Variants in RMDN2 observed in about 807,000 individuals in gnomAD.
RMDN2 encodes the protein regulator of microtubule dynamics 2, also known as regulator of microtubule dynamics protein 2.
In RMDN2, 61 loss-of-function variants were observed where a neutral mutation model predicts 52.8. The observed-to-expected ratio is 1.16, with a 90% CI of 0.94 to 1.43. The LOEUF is 1.43. Among genes scored for constraint, RMDN2 ranks in the 40% most tolerant of loss-of-function variants. RMDN2 has a pLI of 0.00. For missense variants in RMDN2, 592 were observed against 475.3 expected, an observed-to-expected ratio of 1.25 and a Z score of -2.28; for synonymous variants, 180 against 153.1, an observed-to-expected ratio of 1.18 and a Z score of -1.30.
intron 2 of RMDN2, among the ~76,000 whole-genome samples, chr2:37,972,276 G>A (rs1242705096): frequency 6.6e-6 from 1 of 151,938 alleles, no homozygotes; most frequent in African/African-American, 2.4e-5. Context: ...CATAACATCT[G>A]CAATAATAAG....
At chr2:37,934,298 A>G (rs548864548) in intron 2 of RMDN2, among the ~76,000 whole-genome samples, 9 of 152,362 alleles carry the variant, frequency 5.9e-5, no homozygotes, top group Middle Eastern at 3.4e-3. Context: ...AACCATTATT[A>G]GAATCTCTTG....
At chr2:37,956,236 AG>A (rs1466011231) in intron 2 of RMDN2, among the ~76,000 whole-genome samples, 1 of 152,184 alleles carries the variant, frequency 6.6e-6, no homozygotes, top group Non-Finnish European at 1.5e-5. Flanking sequence ...TACTAGTTAT[AG>A]ATCTATTCAG....
chr2:37,985,944 C>A (rs1414085655), intron 5 of RMDN2, among the ~76,000 whole-genome samples: 1 of 152,004 alleles, frequency 6.6e-6, no homozygotes, highest in East Asian at 1.9e-4. Flanking sequence ...AATATTGGTA[C>A]AGTTTTGACA....
intron 10 of RMDN2, among the ~76,000 whole-genome samples, chr2:38,062,820 A>G: frequency 8.5e-6 from 1 of 118,214 alleles, no homozygotes; most frequent in Admixed American, 1.2e-4. Context: ...TCCTGTGTGC[A>G]TGTGTTCTCA....
chr2:37,949,517 T>G (rs1400036964), intron 2 of RMDN2, among the ~76,000 whole-genome samples: 2 of 152,162 alleles, frequency 1.3e-5, no homozygotes, highest in Non-Finnish European at 2.9e-5. Context: ...GTCTTCTGTC[T>G]CTAACCCACG....
At position 37,950,535 on chromosome 2, in the gene RMDN2, G is replaced by T. The variant is rs778413972; in HGVS notation, c.452+20806G>T. 1.9e-6 allele frequency: 3 copies of T among 1,612,898 alleles called. No homozygotes were observed. In the Admixed American group the frequency reaches 5.0e-5, roughly 27 times the overall value. ...GGGCATTTTATGGCTTAAGGATGACGGCCTAGAAGGGAAGGGAGAGACTTA... is the reference window on the plus strand; with the variant it reads ...GGGCATTTTATGGCTTAAGGATGACTGCCTAGAAGGGAAGGGAGAGACTTA... On this transcript the variant is annotated intron_variant, in intron 2 of 10. Transcript: ENST00000354545.
intron 10 of RMDN2, among the ~76,000 whole-genome samples, chr2:38,047,146 G>T (rs990561951): frequency 6.6e-6 from 1 of 152,082 alleles, no homozygotes; most frequent in Non-Finnish European, 1.5e-5. Context: ...AAGACAGAGA[G>T]AATTAATTGC....
At chr2:37,998,671 C>A (rs1675904278) in intron 8 of RMDN2, among the ~76,000 whole-genome samples, 1 of 152,122 alleles carries the variant, frequency 6.6e-6, no homozygotes, top group African/African-American at 2.4e-5. Flanking sequence ...TGGCCAGTGG[C>A]TGCCTCAAGT....
At chr2:37,950,893 G>C (rs1455446353) in intron 2 of RMDN2, among the ~76,000 whole-genome samples, 1 of 151,858 alleles carries the variant, frequency 6.6e-6, no homozygotes, top group African/African-American at 2.4e-5. Flanking sequence ...TTTTCCTTTG[G>C]GAATCTTTTT....
intron 2 of RMDN2, among the ~76,000 whole-genome samples, chr2:37,970,605 C>A (rs988898282): frequency 6.6e-6 from 1 of 151,914 alleles, no homozygotes; most frequent in Non-Finnish European, 1.5e-5. Flanking sequence ...TTGAATAAGC[C>A]TAATTATTTG....
At chr2:38,022,558 A>G (rs1248482455), downstream of RMDN2, among the ~76,000 whole-genome samples, 1 of 152,232 alleles carries the variant, frequency 6.6e-6, no homozygotes, top group Non-Finnish European at 1.5e-5. Flanking sequence ...CAAACTTTGA[A>G]TATGCTTGAT....
At position 38,015,280 on chromosome 2, in the gene RMDN2, C is replaced by T. The variant is rs542132854; in HGVS notation, c.1180-1906C>T. 2.0e-5 allele frequency among the ~76,000 whole-genome samples: 3 copies of T among 152,226 alleles called. No individual in the cohort carries two copies. The East Asian group carries it at 5.8e-4, about 29-fold the overall frequency. On this transcript the variant is annotated intron_variant, in intron 10 of 10. Transcript: ENST00000354545. ...ACAGTACAACGATAGGAATTGTTGACCCTCGACTGGGCGTGGTGGCTCACA... is the reference window on the plus strand; with the variant it reads ...ACAGTACAACGATAGGAATTGTTGATCCTCGACTGGGCGTGGTGGCTCACA...
chr2:37,935,260 G>A (rs1667188230), intron 2 of RMDN2, among the ~76,000 whole-genome samples: 1 of 152,208 alleles, frequency 6.6e-6, no homozygotes, highest in Non-Finnish European at 1.5e-5. Context: ...GATGATGAAA[G>A]TAAGACCACA....
At chr2:38,059,037 A>G (rs1004441951) in intron 10 of RMDN2, among the ~76,000 whole-genome samples, 1 of 152,208 alleles carries the variant, frequency 6.6e-6, no homozygotes, top group Non-Finnish European at 1.5e-5. Context: ...GAATAAAAGT[A>G]AAACGTCCAA....
chr2:38,016,263 G>T (rs1678768824), intron 10 of RMDN2, among the ~76,000 whole-genome samples: 1 of 152,220 alleles, frequency 6.6e-6, no homozygotes, highest in African/African-American at 2.4e-5. Context: ...GTCCTCAGTA[G>T]CAGAGATGTC....
chr2:37,988,357 G>A (rs1362412509), intron 5 of RMDN2, among the ~76,000 whole-genome samples: 2 of 152,100 alleles, frequency 1.3e-5, no homozygotes, highest in Non-Finnish European at 2.9e-5. Context: ...GAGTAGTAGT[G>A]TATCCTAATC....
At chr2:37,958,534 G>A (rs189317086) in intron 2 of RMDN2, among the ~76,000 whole-genome samples, 2 of 150,938 alleles carry the variant, frequency 1.3e-5, no homozygotes, top group African/African-American at 5.0e-5. Flanking sequence ...AAGGAGTTTT[G>A]GGGCTGAGAT....
At position 37,929,386 on chromosome 2, in the gene RMDN2, A is replaced by T; in HGVS notation, c.109A>T (p.Met37Leu). 1 of 1,551,702 alleles carries T rather than the reference A, an allele frequency of 6.4e-7. No individual in the cohort carries two copies. Residue 37 changes from methionine to leucine, a missense_variant, in exon 2 of 11, where the codon ATG (methionine) becomes TTG (leucine). Coordinates refer to ENST00000354545, the MANE Select transcript of RMDN2 (RefSeq NM_001170791.3). ...CAAGGTCCGTAAACCAGGGATAGCA[A>T]TGAAGTTACCTGAATTTCTTTCTCT... ...YHKVRKPGIAMKLPEFLSLGN... is the reference protein window; with the variant it reads ...YHKVRKPGIALKLPEFLSLGN...
At position 38,004,217 on chromosome 2, in the gene RMDN2, G is replaced by A; in HGVS notation, c.1179+1G>A. ...ATTGCTTCCTACTGTTACCAAAGAG[G>A]TAAGTCCAGAAAGTGACAGTGAGTG... is the stretch of plus-strand genomic sequence containing the variant. On this transcript the variant is annotated splice_donor_variant, in intron 10 of 10. Coordinates refer to ENST00000354545, the MANE Select transcript of RMDN2 (RefSeq NM_001170791.3). LOFTEE classifies it high-confidence loss of function. 6.2e-7 allele frequency: 1 copy of A among 1,610,752 alleles called. No homozygotes were observed. The highest frequency in any genetic ancestry group is 8.5e-7 in the Non-Finnish European group (1 of 1,177,094).
Sources: gnomAD v4.1 joint callset for allele counts (sites outside exome capture counted in the v4.1 genomes callset) on GRCh38, gnomAD v4.1.1 for gene constraint, MANE v1.5 for transcripts, NCBI Gene and HGNC (gene_info 2026-07-23, HGNC 2026-07-21) for gene names.